MTMR4: variants seen among roughly 807,000 people sequenced by gnomAD.
MTMR4 encodes the protein myotubularin related protein 4.
A neutral mutation model predicts 125.5 loss-of-function variants in MTMR4; 30 were observed. That is an observed-to-expected ratio of 0.24 (90% CI 0.18 to 0.32). The LOEUF (loss-of-function observed/expected upper bound fraction) is 0.32. MTMR4 is among the 10% of genes least tolerant of loss of function. The pLI, the probability that MTMR4 is intolerant of heterozygous loss-of-function variation, is 1.00. For synonymous variants in MTMR4, 498 were observed against 564.5 expected, an observed-to-expected ratio of 0.88 and a Z score of 1.67; for missense variants, 1,039 against 1,511.5, an observed-to-expected ratio of 0.69 and a Z score of 5.18.
rs1975832527 is a variant in MTMR4 at position 58,508,375 on chromosome 17, T to C, written c.593+93A>G. ...TGGGAAGAGAAACCATGAGCCTTCC[T>C]CCCTCTCAGACTCAGAAGCTGTGCC... On this transcript the variant is annotated intron_variant, in intron 6 of 17. Coordinates refer to ENST00000682306, the MANE Select transcript of MTMR4 (RefSeq NM_001378067.1). The surrounding 1 kb of genome is among the most constrained non-coding windows in gnomAD (Gnocchi z 4.8). 5 of 1,540,874 alleles carry C rather than the reference T, an allele frequency of 3.2e-6. No homozygotes were observed. The highest frequency in any genetic ancestry group is 4.5e-6 in the Non-Finnish European group (5 of 1,113,854).
At chr17:58,507,384 G>C in intron 7 of MTMR4, 65 bp from the exon 8 acceptor site, 1 of 1,488,454 alleles carries the variant, frequency 6.7e-7, no homozygotes, top group Non-Finnish European at 9.1e-7. Flanking sequence ...TACCTCAGGG[G>C]GTTAGACCAA....
upstream of MTMR4, chr17:58,515,132 C>G: frequency 2.6e-6 from 2 of 765,372 alleles, no homozygotes; most frequent in Non-Finnish European, 3.2e-6. Flanking sequence ...CCCAACCCTA[C>G]TCCTTCAGCT....
chr17:58,491,739 T>G lies in MTMR4; in HGVS notation c.3554A>C (p.Glu1185Ala). 6.2e-7 allele frequency: 1 copy of G among 1,614,162 alleles called. No homozygotes were observed. Among genetic ancestry groups the G allele is most frequent in the African/African-American group, 1.3e-5 (1 of 75,040 alleles). ...DPVLVCNSCYEHIQVSRAREL... is the reference protein window; with the variant it reads ...DPVLVCNSCYAHIQVSRAREL... ...CCTGGCACGAGAGACTTGAATGTGT[T>G]CGTAACATGAGTTACAGACGAGAAC... The change falls in exon 18 of 18, where the codon GAA (glutamate) becomes GCA (alanine). Residue 1185 changes from glutamate (E) to alanine (A), a missense_variant. Glu to Ala is a moderately radical substitution (Grantham distance 107). Transcript: ENST00000682306.
rs2143941949 is a variant in MTMR4, at chr17:58,514,470, G to C, written c.-63C>G. 1.0e-6 allele frequency: 1 copy of C among 984,978 alleles called. No individual in the cohort carries two copies. Among genetic ancestry groups the C allele is most frequent in the South Asian group, 4.7e-5 (1 of 21,288 alleles). The allele number at this position is 984,978 out of a possible 1,614,324, so 61.0% of individuals were successfully genotyped here. On this transcript the variant is annotated 5_prime_UTR_variant, in exon 1 of 18. Transcript: ENST00000682306. ...AGCCGCTGCGCTGCCCGCCAGCCCC[G>C]GGCGCCCGCCGCATCCCGGCTGCGG...
At chr17:58,515,793 G>C (rs1217341178), upstream of MTMR4, among the ~76,000 whole-genome samples, 2 of 152,156 alleles carry the variant, frequency 1.3e-5, no homozygotes, top group Non-Finnish European at 2.9e-5. Flanking sequence ...GGAAGGGAGG[G>C]AAGGAGGAAA....
chr17:58,505,090 G>T, intron 10 of MTMR4, 116 bp from the exon 11 acceptor site: 1 of 1,028,146 alleles, frequency 9.7e-7, no homozygotes, highest in Non-Finnish European at 1.4e-6. Flanking sequence ...GAAACCAAGA[G>T]GTACAACCCA....
rs746193434 is a variant in MTMR4, at chr17:58,491,833, C to T, written c.3460G>A (p.Gly1154Arg). ...AKRRHHCRNC[G>R]NVFCAGCCHL... ...CAGCATCCAGCACAAAATACATTCC[C>T]ACAATTTCTGTCAAAGCAGAAAGAG... Residue 1154 changes from glycine (G) to arginine (R), a missense_variant, in exon 18 of 18, where the codon GGG becomes AGG. This residue lies in a region of MTMR4 where 60 missense variants were observed against 129.6 expected (regional missense o/e 0.46). Transcript: ENST00000682306. 1 of 1,611,152 alleles carries T rather than the reference C, an allele frequency of 6.2e-7. No individual in the cohort carries two copies.
chr17:58,509,074 T>C (rs1442171666), intron 4 of MTMR4, among the ~76,000 whole-genome samples: 1 of 152,136 alleles, frequency 6.6e-6, no homozygotes, highest in Non-Finnish European at 1.5e-5. Flanking sequence ...GGCATACTTA[T>C]CCTCTCGAAT....
rs781306059 is a variant in MTMR4, at chr17:58,492,749, G to A, written c.3363+93C>T. On this transcript the variant is annotated intron_variant, in intron 16 of 17. Coordinates refer to ENST00000682306, the MANE Select transcript of MTMR4 (RefSeq NM_001378067.1). The stretch of plus-strand genomic sequence containing the variant: ...CTACCAGGCTGACACTCCTCTGGGG[G>A]ACAGCTCAGTCTACAGCATGTCATT... The A allele has an allele frequency of 2.5e-5, 34 of 1,365,554 alleles. No homozygotes were observed. In the Middle Eastern group the frequency reaches 4.9e-3, roughly 195 times the overall value. 84.6% of individuals were successfully genotyped at this position (1,365,554 alleles called of 1,614,324 possible). A position where few individuals can be genotyped will look rare whatever the true frequency, so the allele number is the denominator to read the frequency against.
chr17:58,507,141 C>T lies in MTMR4; in HGVS notation c.886G>A (p.Ala296Thr), dbSNP rs1020631884. The T allele has an allele frequency of 6.2e-7, 1 of 1,614,156 alleles. No homozygotes were observed. Among genetic ancestry groups the T allele is most frequent in the Admixed American group, 1.7e-5 (1 of 60,014 alleles). Residue 296 changes from alanine to threonine, a missense_variant, in exon 8 of 18, where the codon GCG becomes ACG. Ala to Thr is a moderately conservative substitution (Grantham distance 58). This residue lies in a region of MTMR4 where 49 missense variants were observed against 68.4 expected (regional missense o/e 0.72). Coordinates refer to ENST00000682306, the MANE Select transcript of MTMR4 (RefSeq NM_001378067.1). Reference sequence around the variant, plus strand: ...ACCTTACCAAAGTCAGCATCACACGCCTCGCTGGTATCATTATTCCCGGTG... The same window carrying T: ...ACCTTACCAAAGTCAGCATCACACGTCTCGCTGGTATCATTATTCCCGGTG... ...LSTGNNDTSE[A>T]CDADFDSSLT...
intron 15 of MTMR4, 125 bp from the exon 16 acceptor site, chr17:58,493,077 G>A: frequency 1.5e-6 from 1 of 670,912 alleles, no homozygotes; most frequent in Non-Finnish European, 2.6e-6. Context: ...GTCTTACAAT[G>A]TATACTACTA....
In MTMR4 at chr17:58,491,703, C is replaced by T; in HGVS notation, c.3590G>A (p.Ser1197Asn). The change falls in exon 18 of 18, where the codon AGC (serine) becomes AAC (asparagine). Residue 1197 changes from serine to asparagine, a missense_variant. Physicochemically the swap from Ser to Asn is conservative, Grantham distance 46. Transcript: ENST00000682306. The stretch of plus-strand genomic sequence containing the variant: ...AGCAATGGGTTTCTTCAGCTGTTGG[C>T]TCATGAGTTCCCTGGCACGAGAGAC... ...IQVSRARELM[S>N]QQLKKPIATA... The T allele has an allele frequency of 2.5e-6, 4 of 1,613,996 alleles. No individual in the cohort carries two copies. Among genetic ancestry groups the T allele is most frequent in the East Asian group, 2.2e-5 (1 of 44,882 alleles).
rs780793437 is a variant in MTMR4 at position 58,507,226 on chromosome 17, C to T, written c.801G>A (p.Thr267=). ...CCAGGGCACAGGCTTTAGCAATGGA[C>T]GTGACCAGGTACTCATCATCAGCAT... ...WRNADDEYLV[T]SIAKACALDP... The change falls in exon 8 of 18, where the codon ACG becomes ACA. Residue 267 remains threonine, a synonymous_variant. Transcript: ENST00000682306. The T allele has an allele frequency of 3.1e-5, 50 of 1,614,088 alleles. No homozygotes were observed. The highest frequency in any genetic ancestry group is 1.6e-4 in the Middle Eastern group (1 of 6,084).
chr17:58,508,748 G>A lies in MTMR4; in HGVS notation c.429C>T (p.Ala143=). 3.1e-6 allele frequency: 5 copies of A among 1,614,240 alleles called. No individual in the cohort carries two copies. Among genetic ancestry groups the A allele is most frequent in the Non-Finnish European group, 4.2e-6 (5 of 1,180,046 alleles). ...ARPAKPEDLF[A]FAYHAWCLGL... ...CCAGGCACCAGGCATGGTAGGCAAA[G>A]GCAAAGAGGTCTTCAGGCTTGGCAG... is the stretch of plus-strand genomic sequence containing the variant. Residue 143 remains alanine, a synonymous_variant, in exon 5 of 18, where the codon GCC becomes GCT. Transcript: ENST00000682306. The surrounding 1 kb of genome is among the most constrained non-coding windows in gnomAD (Gnocchi z 4.8).
intron 3 of MTMR4, 92 bp from the exon 4 acceptor site, chr17:58,511,603 G>C: frequency 9.5e-7 from 1 of 1,056,976 alleles, no homozygotes; most frequent in Non-Finnish European, 1.4e-6. Context: ...ATCAATAGCA[G>C]GAAGGAAACC....
intron 1 of MTMR4, among the ~76,000 whole-genome samples, chr17:58,513,451 G>A (rs912168960): frequency 6.6e-6 from 1 of 152,158 alleles, no homozygotes; most frequent in Non-Finnish European, 1.5e-5. Flanking sequence ...CACGCCTCTA[G>A]AGGGCCTTCA....
At chr17:58,510,059 C>T (rs1243630923) in intron 4 of MTMR4, among the ~76,000 whole-genome samples, 1 of 152,180 alleles carries the variant, frequency 6.6e-6, no homozygotes, top group Non-Finnish European at 1.5e-5. Flanking sequence ...GCAATAGCTT[C>T]CTAACTAGTC....
chr17:58,497,610 T>G (rs183644733), intron 14 of MTMR4, among the ~76,000 whole-genome samples: 33 of 152,358 alleles, frequency 2.2e-4, no homozygotes, highest in Admixed American at 1.8e-3. Flanking sequence ...TTTAACTCCC[T>G]CTACTGAAGT....
At position 58,508,822 on chromosome 17, in the gene MTMR4, TA is replaced by T; in HGVS notation, c.354del (p.Phe118LeufsTer11). ...CGTGAGAGCCACTCTTGGCACTGCT[TA>T]AAAGTGGAGAAGTGGCACCTGCCAG... ...SKVVRCHFST[F>X]KQCQEWLSRL... On this transcript the variant is annotated frameshift_variant, in exon 5 of 18. Transcript: ENST00000682306. LOFTEE classifies it high-confidence loss of function. The surrounding 1 kb of genome is among the most constrained non-coding windows in gnomAD (Gnocchi z 4.8). 2 of 1,613,252 alleles carry T rather than the reference TA, an allele frequency of 1.2e-6. No homozygotes were observed. Among genetic ancestry groups the T allele is most frequent in the Non-Finnish European group, 1.7e-6 (2 of 1,179,314 alleles).
Sources: gnomAD v4.1 joint callset for allele counts (sites outside exome capture counted in the v4.1 genomes callset) on GRCh38, gnomAD v4.1.1 for gene constraint, gnomAD v4.1.1 regional missense constraint, Gnocchi (gnomAD v3.1) non-coding constraint, MANE v1.5 for transcripts, NCBI Gene and HGNC (gene_info 2026-07-23, HGNC 2026-07-21) for gene names.